PPP1R10: variants seen among roughly 807,000 people sequenced by gnomAD.
PPP1R10 encodes protein phosphatase 1 regulatory subunit 10.
In PPP1R10, 15 loss-of-function variants were observed where a neutral mutation model predicts 99.0. That is an observed-to-expected ratio of 0.15 (90% CI 0.10 to 0.23). PPP1R10 has a LOEUF of 0.23. PPP1R10 is among the 10% of genes least tolerant of loss of function. The pLI is 1.00. For missense variants in PPP1R10, 947 were observed against 1,259.4 expected (o/e 0.75, Z 3.75); for synonymous variants, 430 against 449.5 (o/e 0.96, Z 0.55).
At chr6:30,615,873 T>A (rs1289885199) in intron 2 of PPP1R10, among the ~76,000 whole-genome samples, 2 of 152,226 alleles carry the variant, frequency 1.3e-5, no homozygotes. Flanking sequence ...TTGCCACCTA[T>A]TTTAACCACA....
chr6:30,605,446 T>C (rs1333778986), intron 10 of PPP1R10, among the ~76,000 whole-genome samples: 3 of 152,014 alleles, frequency 2.0e-5, no homozygotes, highest in Non-Finnish European at 4.4e-5. Flanking sequence ...AAGTGACCCC[T>C]GAAACGGGAG....
Position 30,609,131 on chromosome 6 carries a change from C to T in PPP1R10, c.140G>A (p.Arg47Gln). 3 of 1,613,438 alleles carry T rather than the reference C, an allele frequency of 1.9e-6. No individual in the cohort carries two copies. The highest frequency in any genetic ancestry group is 2.5e-6 in the Non-Finnish European group (3 of 1,180,020). Residue 47 changes from arginine to glutamine, a missense_variant, in exon 4 of 20, where the codon CGA becomes CAA. This residue lies in a region of PPP1R10 where 82 missense variants were observed against 117.3 expected (regional missense o/e 0.70). Transcript: ENST00000376511. The surrounding 1 kb of genome is among the most constrained non-coding windows in gnomAD (Gnocchi z 4.5). ...LMKEARKMVS[R>Q]CTYLNILLQT... ...CAGGAGAATGTTCAAGTAAGTGCAT[C>T]GACTCACCATCTTTCGTGCTTCCTT...
Position 30,603,293 on chromosome 6 carries a change from G to A in PPP1R10, c.1768-8C>T. On this transcript the variant is annotated splice_polypyrimidine_tract_variant and splice_region_variant and intron_variant, in intron 16 of 19. Transcript: ENST00000376511. ...ATGACTGTTTGGGCTACCCTGTGAG[G>A]ATGTAAGAAGGCAAAGTCAACAGAC... 6.2e-7 allele frequency: 1 copy of A among 1,610,350 alleles called. No homozygotes were observed. Among genetic ancestry groups the A allele is most frequent in the Non-Finnish European group, 8.5e-7 (1 of 1,176,552 alleles).
At chr6:30,608,757 A>G in intron 5 of PPP1R10, 22 bp downstream of exon 5, 2 of 1,608,184 alleles carry the variant, frequency 1.2e-6, no homozygotes, top group South Asian at 2.2e-5. Flanking sequence ...AGGAAGAATC[A>G]GGGTTTAAAG....
rs569137620 is a variant in PPP1R10 at position 30,602,173 on chromosome 6, C to T, written c.2476G>A (p.Gly826Ser). Residue 826 changes from glycine (G) to serine (S), a missense_variant, in exon 19 of 20, where the codon GGT becomes AGT. This residue lies in a region of PPP1R10 where 525 missense variants were observed against 578.8 expected (regional missense o/e 0.91). Coordinates refer to ENST00000376511, the MANE Select transcript of PPP1R10 (RefSeq NM_002714.4). The surrounding 1 kb of genome is among the most constrained non-coding windows in gnomAD (Gnocchi z 6.7). ...CCTTCGTGGGGGCGATGTCCACCAC[C>T]GGCACCCATTCCTCCGCCAGGGCCT... ...HEGPGGGMGA[G>S]GGHRPHEGPG... The T allele has an allele frequency of 2.4e-5, 38 of 1,610,060 alleles. No individual in the cohort carries two copies. The highest frequency in any genetic ancestry group is 1.1e-4 in the East Asian group (5 of 44,462).
chr6:30,612,015 C>T (rs974592943), intron 2 of PPP1R10, among the ~76,000 whole-genome samples: 4 of 152,110 alleles, frequency 2.6e-5, no homozygotes, highest in African/African-American at 9.7e-5. Context: ...ACACATAAAA[C>T]AGATATCACA....
In PPP1R10 at chr6:30,602,220, C is replaced by T. The variant is rs1301410650; in HGVS notation, c.2429G>A (p.Gly810Asp). 1 of 1,611,930 alleles carries T rather than the reference C, an allele frequency of 6.2e-7. No individual in the cohort carries two copies. The highest frequency in any genetic ancestry group is 1.3e-5 in the African/African-American group (1 of 74,900). Residue 810 changes from glycine to aspartate, a missense_variant, in exon 19 of 20, where the codon GGC (glycine) becomes GAC (aspartate). Gly to Asp is a moderately conservative substitution (Grantham distance 94). This residue lies in a region of PPP1R10 where 525 missense variants were observed against 578.8 expected (regional missense o/e 0.91). Coordinates refer to ENST00000376511, the MANE Select transcript of PPP1R10 (RefSeq NM_002714.4). This position sits in a 1 kb window ranked among gnomAD's most constrained non-coding sequence, Gnocchi z 6.7. ...GCCTTCATGGGGACGATGGCCACTG[C>T]CACCACTGATGCCACCGCCAGGGCC... ...HEGPGGGISG[G>D]SGHRPHEGPG...
Position 30,606,369 on chromosome 6 carries a change from T to A in PPP1R10, c.634+99A>T. ...AAGCTTCCTCTGCTAGTCTTCCCTCTTCCTTACGATTAACATACCACACAT... is the reference window on the plus strand; with the variant it reads ...AAGCTTCCTCTGCTAGTCTTCCCTCATCCTTACGATTAACATACCACACAT... On this transcript the variant is annotated intron_variant, in intron 8 of 19. Transcript: ENST00000376511. This position sits in a 1 kb window ranked among gnomAD's most constrained non-coding sequence, Gnocchi z 6.3. The A allele has an allele frequency of 6.4e-7, 1 of 1,573,280 alleles. No individual in the cohort carries two copies. Among genetic ancestry groups the A allele is most frequent in the Non-Finnish European group, 8.7e-7 (1 of 1,152,384 alleles).
Position 30,601,099 on chromosome 6 carries a change from C to T in PPP1R10, c.*450G>A, listed in dbSNP as rs1803266419. The T allele has an allele frequency of 5.8e-6, 1 of 170,992 alleles. No individual in the cohort carries two copies. Among genetic ancestry groups the T allele is most frequent in the Admixed American group, 5.5e-5 (1 of 18,096 alleles). The allele number at this position is 170,992 out of a possible 1,614,324, so 10.6% of individuals were successfully genotyped here. ...ATACCCCTTTCAGCATCTCCCCACC[C>T]CATGAGGAATAATGAACTTAGCTGG... On this transcript the variant is annotated 3_prime_UTR_variant, in exon 20 of 20. Transcript: ENST00000376511.
At position 30,604,460 on chromosome 6, in the gene PPP1R10, T is replaced by C. The variant is rs756327549; in HGVS notation, c.1154A>G (p.Asp385Gly). ...GCCTTTCCGGGTCAGTTGGTTAGGATCTCCAGGACTCTCCACTGGCTTGGC... is the reference window on the plus strand; with the variant it reads ...GCCTTTCCGGGTCAGTTGGTTAGGACCTCCAGGACTCTCCACTGGCTTGGC... ...LDAKPVESPG[D>G]PNQLTRKGRK... Residue 385 changes from aspartate (D) to glycine (G), a missense_variant, in exon 13 of 20, where the codon GAT (aspartate) becomes GGT (glycine). This residue lies in a region of PPP1R10 where 100 missense variants were observed against 105.8 expected (regional missense o/e 0.94). Coordinates refer to ENST00000376511, the MANE Select transcript of PPP1R10 (RefSeq NM_002714.4). This position sits in a 1 kb window ranked among gnomAD's most constrained non-coding sequence, Gnocchi z 7.3. The C allele has an allele frequency of 1.2e-6, 2 of 1,613,078 alleles. No individual in the cohort carries two copies. The highest frequency in any genetic ancestry group is 1.7e-5 in the Admixed American group (1 of 60,012).
At position 30,606,681 on chromosome 6, in the gene PPP1R10, A is replaced by G. The variant is rs1803986264; in HGVS notation, c.461-40T>C. 6.2e-7 allele frequency: 1 copy of G among 1,613,352 alleles called. No individual in the cohort carries two copies. Among genetic ancestry groups the G allele is most frequent in the Admixed American group, 1.7e-5 (1 of 59,934 alleles). ...CAAAGCAGAAAAGGATTTTATTTAG[A>G]TGAACACTGTCAGAGGTGAAGCAGA... On this transcript the variant is annotated intron_variant, in intron 7 of 19. Coordinates refer to ENST00000376511, the MANE Select transcript of PPP1R10 (RefSeq NM_002714.4). The surrounding 1 kb of genome is among the most constrained non-coding windows in gnomAD (Gnocchi z 6.3).
intron 2 of PPP1R10, among the ~76,000 whole-genome samples, chr6:30,612,066 C>T (rs1804614686): frequency 6.6e-6 from 1 of 152,164 alleles, no homozygotes; most frequent in Non-Finnish European, 1.5e-5. Flanking sequence ...GTTCCAATAA[C>T]AACATATCAT....
chr6:30,606,006 G>T lies in PPP1R10; in HGVS notation c.770C>A (p.Pro257His). The T allele has an allele frequency of 6.2e-7, 1 of 1,614,014 alleles. No homozygotes were observed. The highest frequency in any genetic ancestry group is 1.3e-5 in the African/African-American group (1 of 74,980). The change falls in exon 10 of 20, where the codon CCC (proline) becomes CAC (histidine). Residue 257 changes from proline to histidine, a missense_variant. Physicochemically the swap from Pro to His is moderately conservative, Grantham distance 77. Transcript: ENST00000376511. The surrounding 1 kb of genome is among the most constrained non-coding windows in gnomAD (Gnocchi z 6.3). ...SNVAAPGDAT[P>H]PAEKKYKPLN... ...TGGCTTGTATTTCTTCTCTGCAGGG[G>T]GAGTGGCATCTCCTGGAGCAGCTAC...
chr6:30,605,617 T>C (rs991123936), intron 10 of PPP1R10, among the ~76,000 whole-genome samples: 1 of 151,942 alleles, frequency 6.6e-6, no homozygotes, highest in Non-Finnish European at 1.5e-5. Flanking sequence ...TCCCAGCACT[T>C]TGGGAAGCTG....
Position 30,603,648 on chromosome 6 carries a change from T to C in PPP1R10, c.1591A>G (p.Thr531Ala). 1.2e-6 allele frequency: 2 copies of C among 1,604,538 alleles called. No individual in the cohort carries two copies. The highest frequency in any genetic ancestry group is 1.1e-5 in the South Asian group (1 of 89,806). Residue 531 changes from threonine to alanine, a missense_variant, in exon 16 of 20, where the codon ACT (threonine) becomes GCT (alanine). Coordinates refer to ENST00000376511, the MANE Select transcript of PPP1R10 (RefSeq NM_002714.4). ...PLDEECSMDE[T>A]PYVETLEPGG... is the part of the protein sequence containing the mutation. The stretch of plus-strand genomic sequence containing the variant: ...GGTTCCAGAGTCTCAACATACGGAG[T>C]CTCATCCATGGAACACTCCTGAAAG...
chr6:30,603,679 CA>C lies in PPP1R10; in HGVS notation c.1573-14del, dbSNP rs11420043. The stretch of plus-strand genomic sequence containing the variant: ...CCATGGAACACTCCTGAAAGAAGAA[CA>C]AAAAAAATCAGGATTGACAGAACAG... On this transcript the variant is annotated splice_polypyrimidine_tract_variant and intron_variant, in intron 15 of 19. Transcript: ENST00000376511. The C allele has an allele frequency of 8.9e-6, 14 of 1,565,820 alleles. No homozygotes were observed. Among genetic ancestry groups the C allele is most frequent in the East Asian group, 2.3e-5 (1 of 44,338 alleles).
In PPP1R10 at chr6:30,616,753, GTGGT is replaced by G. The variant is rs1561859495; in HGVS notation, c.-291_-288del. On this transcript the variant is annotated 5_prime_UTR_variant, in exon 2 of 20. Coordinates refer to ENST00000376511, the MANE Select transcript of PPP1R10 (RefSeq NM_002714.4). ...AATTTGGGTGGTTTGGGAAGGGAGG[GTGGT>G]TGATTATTTTTGAAGTTATGTAGTG... is the stretch of plus-strand genomic sequence containing the variant. 1.3e-5 allele frequency: 2 copies of G among 152,164 alleles called. No individual in the cohort carries two copies. The highest frequency in any genetic ancestry group is 2.4e-5 in the African/African-American group (1 of 41,426). 9.4% of individuals were successfully genotyped at this position (152,164 alleles called of 1,614,324 possible). A position where few individuals can be genotyped will look rare whatever the true frequency, so the allele number is the denominator to read the frequency against.
chr6:30,606,530 T>C lies in PPP1R10; in HGVS notation c.572A>G (p.Lys191Arg). 6.2e-7 allele frequency: 1 copy of C among 1,614,072 alleles called. No individual in the cohort carries two copies. The highest frequency in any genetic ancestry group is 8.5e-7 in the Non-Finnish European group (1 of 1,180,052). ...GCGAAGAGACTTGGGCTTCTCCCTC[T>C]TCTTCTCTGGGGCCTCCTCAGCCCG... ...ETRAEEAPEKKREKPKSLRTT... is the reference protein window; with the variant it reads ...ETRAEEAPEKRREKPKSLRTT... Residue 191 changes from lysine to arginine, a missense_variant, in exon 8 of 20, where the codon AAG becomes AGG. Coordinates refer to ENST00000376511, the MANE Select transcript of PPP1R10 (RefSeq NM_002714.4). The surrounding 1 kb of genome is among the most constrained non-coding windows in gnomAD (Gnocchi z 6.3).
intron 2 of PPP1R10, among the ~76,000 whole-genome samples, chr6:30,615,189 C>T (rs956107322): frequency 6.7e-6 from 1 of 150,216 alleles, no homozygotes; most frequent in African/African-American, 2.5e-5. Flanking sequence ...CCACCCGGCT[C>T]TGCCGGTAGC....
Sources: allele counts gnomAD v4.1 joint callset (sites outside exome capture counted in the v4.1 genomes callset), GRCh38; gene constraint gnomAD v4.1.1; regional missense constraint gnomAD v4.1.1; non-coding constraint Gnocchi (gnomAD v3.1); transcripts MANE v1.5; gene names NCBI Gene and HGNC (gene_info 2026-07-23, HGNC 2026-07-21).